Variants in GRID2 observed in about 807,000 individuals in gnomAD.
GRID2 encodes glutamate receptor ionotropic, delta-2.
GRID2 carries 33 observed loss-of-function variants against 114.8 expected under a neutral mutation model. The observed-to-expected ratio is 0.29, with a 90% CI of 0.22 to 0.38. The LOEUF is 0.38. GRID2 is among the 10% of genes least tolerant of loss of function. The pLI is 1.00. For synonymous variants in GRID2, 505 were observed against 449.9 expected (o/e 1.12, Z -1.55); for missense variants, 1,184 against 1,257.7 (o/e 0.94, Z 0.89).
At chr4:92,733,761 G>A (rs1736446562) in intron 2 of GRID2, among the ~76,000 whole-genome samples, 1 of 152,018 alleles carries the variant, frequency 6.6e-6, no homozygotes, top group Admixed American at 6.6e-5. Context: ...GATCCTGGGG[G>A]CTGTGATCCT....
chr4:92,491,805 G>C (rs17019377), intron 1 of GRID2, among the ~76,000 whole-genome samples: 26,642 of 152,004 alleles, frequency 0.18, 2,808 homozygotes, highest in Middle Eastern at 0.25. Context: ...TTCTTCAGTG[G>C]ATGATAAAAG....
chr4:92,527,202 A>G (rs540878741), intron 1 of GRID2, among the ~76,000 whole-genome samples: 2 of 152,256 alleles, frequency 1.3e-5, no homozygotes, highest in East Asian at 3.9e-4. Flanking sequence ...TTAGTACAAC[A>G]AAAGAGAGAA....
chr4:93,608,060 G>T (rs57571153), intron 13 of GRID2, among the ~76,000 whole-genome samples: 4 of 118,868 alleles, frequency 3.4e-5, no homozygotes, highest in African/African-American at 1.2e-4. Flanking sequence ...ATATATATAC[G>T]TATATAAGTA....
intron 2 of GRID2, among the ~76,000 whole-genome samples, chr4:93,029,900 G>A (rs185933789): frequency 6.6e-6 from 1 of 152,258 alleles, no homozygotes; most frequent in East Asian, 1.9e-4. Flanking sequence ...CTTTATTCAT[G>A]TGCCAGGCTG....
At chr4:92,346,718 C>T (rs17019324) in intron 1 of GRID2, among the ~76,000 whole-genome samples, 5,534 of 151,984 alleles carry the variant, frequency 0.036, 319 homozygotes, top group African/African-American at 0.12. Context: ...AGTAAAAGTT[C>T]GAATATTCAT....
intron 5 of GRID2, among the ~76,000 whole-genome samples, chr4:93,210,691 G>A (rs1436567637): frequency 6.6e-6 from 1 of 152,000 alleles, no homozygotes; most frequent in Non-Finnish European, 1.5e-5. Context: ...TTATATAGGT[G>A]TAACCTGAAT....
intron 14 of GRID2, among the ~76,000 whole-genome samples, chr4:93,696,894 T>A (rs994251749): frequency 6.6e-6 from 1 of 152,296 alleles, no homozygotes; most frequent in Non-Finnish European, 1.5e-5. Context: ...CTTTACAGGC[T>A]TCTACAGAGT....
At chr4:93,344,306 A>C (rs1225868978) in intron 8 of GRID2, among the ~76,000 whole-genome samples, 1 of 152,064 alleles carries the variant, frequency 6.6e-6, no homozygotes, top group Non-Finnish European at 1.5e-5. Flanking sequence ...GGAGGTAGAC[A>C]TGACTGGAAC....
chr4:92,582,277 A>C (rs1244207197), intron 1 of GRID2, among the ~76,000 whole-genome samples: 2 of 151,438 alleles, frequency 1.3e-5, no homozygotes, highest in African/African-American at 4.9e-5. Flanking sequence ...CAACAACAAA[A>C]CTCCTTAGAA....
chr4:93,425,837 T>C (rs536847695), intron 10 of GRID2, among the ~76,000 whole-genome samples: 9 of 152,266 alleles, frequency 5.9e-5, no homozygotes, highest in African/African-American at 1.9e-4. Context: ...CTAAGCCTAA[T>C]AAAGGAGGGC....
At chr4:93,327,159 C>A (rs1757923707) in intron 8 of GRID2, among the ~76,000 whole-genome samples, 1 of 152,086 alleles carries the variant, frequency 6.6e-6, no homozygotes, top group African/African-American at 2.4e-5. Flanking sequence ...TAAATGTCAT[C>A]TTTATATGCT....
chr4:92,583,562 C>T (rs1728278164), intron 1 of GRID2, among the ~76,000 whole-genome samples: 1 of 151,678 alleles, frequency 6.6e-6, no homozygotes. Context: ...AGGAAATGTT[C>T]TGTTAAATAA....
In GRID2 at chr4:93,648,252, T is replaced by G. The variant is rs6827400; in HGVS notation, c.2360+21817T>G. On this transcript the variant is annotated intron_variant, in intron 14 of 15. Coordinates refer to ENST00000282020, the MANE Select transcript of GRID2 (RefSeq NM_001510.4). ...CAAGAAGTCTGAAAACTGTGGAACG[T>G]ATGAGACAGAAGGTTGGGTAAGATG... Among the ~76,000 whole-genome samples the G allele has an allele frequency of 3.3e-3, 507 of 152,240 alleles. 2 individuals are homozygous for G. Among genetic ancestry groups the G allele is most frequent in the African/African-American group, 0.011 (469 of 41,540 alleles).
intron 2 of GRID2, among the ~76,000 whole-genome samples, chr4:92,904,907 T>C (rs1320262435): frequency 6.6e-6 from 1 of 151,710 alleles, no homozygotes; most frequent in African/African-American, 2.4e-5. Flanking sequence ...AAAGAAATAT[T>C]ATAGTAGATC....
At chr4:93,749,001 C>T (rs559654310) in intron 14 of GRID2, among the ~76,000 whole-genome samples, 96 of 150,450 alleles carry the variant, frequency 6.4e-4, no homozygotes, top group Non-Finnish European at 1.2e-3. Flanking sequence ...ATCATTTGGC[C>T]TCAGCTCAAA....
At chr4:93,129,676 G>A (rs1295415234) in intron 4 of GRID2, among the ~76,000 whole-genome samples, 1 of 152,148 alleles carries the variant, frequency 6.6e-6, no homozygotes, top group South Asian at 2.1e-4. Flanking sequence ...TGTCAAGTCA[G>A]TTTCCCTTTA....
chr4:93,594,835 C>T (rs1284844645), intron 13 of GRID2, among the ~76,000 whole-genome samples: 2 of 152,184 alleles, frequency 1.3e-5, no homozygotes, highest in African/African-American at 4.8e-5. Context: ...GTCCATCACC[C>T]CTTTCTTTGA....
chr4:92,503,979 G>A (rs1723824560), intron 1 of GRID2, among the ~76,000 whole-genome samples: 1 of 151,952 alleles, frequency 6.6e-6, no homozygotes, highest in African/African-American at 2.4e-5. Context: ...AGAAATAAAA[G>A]TATGAAAATA....
chr4:93,031,624 G>T (rs1724447954), intron 2 of GRID2, among the ~76,000 whole-genome samples: 1 of 152,016 alleles, frequency 6.6e-6, no homozygotes, highest in Non-Finnish European at 1.5e-5. Context: ...GGTTTTATAA[G>T]GGGGAATTTC....
Sources: allele counts gnomAD v4.1 joint callset (sites outside exome capture counted in the v4.1 genomes callset), GRCh38; gene constraint gnomAD v4.1.1; transcripts MANE v1.5; gene names NCBI Gene and HGNC (gene_info 2026-07-23, HGNC 2026-07-21).